TAFA5: variants seen among roughly 807,000 people sequenced by gnomAD.
TAFA5 encodes the protein TAFA chemokine like family member 5, also known as chemokine-like protein TAFA-5.
TAFA5 carries 6 observed loss-of-function variants against 15.3 expected under a neutral mutation model. The ratio of observed to expected loss-of-function variants is 0.39; its 90% CI spans 0.21 to 0.77. TAFA5 has a LOEUF of 0.77. Ranked by LOEUF, TAFA5 falls within the 30% of genes least tolerant of loss-of-function variation. The pLI is 0.41. For synonymous variants in TAFA5, 103 were observed against 80.7 expected, an observed-to-expected ratio of 1.28 and a Z score of -1.48; for missense variants, 161 against 193.1, an observed-to-expected ratio of 0.83 and a Z score of 0.98.
chr22:48,676,814 A>G (rs1235646421), intron 2 of TAFA5, among the ~76,000 whole-genome samples: 1 of 152,218 alleles, frequency 6.6e-6, no homozygotes, highest in Non-Finnish European at 1.5e-5. Context: ...TGAGGAGGTC[A>G]ACTGATTTCT....
At chr22:48,539,507 A>C (rs1293661085) in intron 1 of TAFA5, 3 of 470,124 alleles carry the variant, frequency 6.4e-6, no homozygotes, top group Middle Eastern at 3.3e-4. Context: ...AGTTACATTT[A>C]GACGGGTGCA....
At chr22:48,686,865 G>A (rs1928372093) in intron 2 of TAFA5, among the ~76,000 whole-genome samples, 1 of 150,782 alleles carries the variant, frequency 6.6e-6, no homozygotes, top group African/African-American at 2.4e-5. Flanking sequence ...ATGGATGGAT[G>A]GATAGATGGA....
chr22:48,678,813 T>A (rs972343432), intron 2 of TAFA5, among the ~76,000 whole-genome samples: 13 of 150,470 alleles, frequency 8.6e-5, no homozygotes, highest in Non-Finnish European at 1.8e-4. Context: ...GACCTCAGGG[T>A]GTAAGGACAG....
chr22:48,563,107 T>TAA (rs1923293388), intron 1 of TAFA5, among the ~76,000 whole-genome samples: 1 of 152,180 alleles, frequency 6.6e-6, no homozygotes, highest in African/African-American at 2.4e-5. Flanking sequence ...CTCTGACATT[T>TAA]AGCAAACAGT....
intron 1 of TAFA5, among the ~76,000 whole-genome samples, chr22:48,534,346 C>G (rs1158113309): frequency 6.6e-6 from 1 of 151,966 alleles, no homozygotes; most frequent in Admixed American, 6.6e-5. Context: ...AGGGGCCAGG[C>G]AGTTGAAGTA....
At chr22:48,707,905 C>T in intron 3 of TAFA5, 61 bp downstream of exon 3, 1 of 1,564,450 alleles carries the variant, frequency 6.4e-7, no homozygotes, top group South Asian at 1.2e-5. Context: ...GTGCGGGCCT[C>T]CGACGCCACC....
chr22:48,511,616 T>G (rs1921214740), intron 1 of TAFA5, among the ~76,000 whole-genome samples: 1 of 152,196 alleles, frequency 6.6e-6, no homozygotes, highest in African/African-American at 2.4e-5. Context: ...GCGTCTGCTG[T>G]GCAAAGCCGC....
At chr22:48,716,932 T>C (rs377697652) in intron 3 of TAFA5, among the ~76,000 whole-genome samples, 1 of 152,092 alleles carries the variant, frequency 6.6e-6, no homozygotes, top group African/African-American at 2.4e-5. Flanking sequence ...AGGAAAACAA[T>C]AATCAGAAAA....
At chr22:48,562,585 AG>A (rs1020941046) in intron 1 of TAFA5, among the ~76,000 whole-genome samples, 4 of 145,392 alleles carry the variant, frequency 2.8e-5, no homozygotes, top group African/African-American at 7.4e-5. Flanking sequence ...CTAGGGAGGG[AG>A]GGGGGGAATT....
chr22:48,648,567 G>A (rs573834975), intron 2 of TAFA5, among the ~76,000 whole-genome samples: 6 of 152,302 alleles, frequency 3.9e-5, no homozygotes, highest in Admixed American at 6.5e-5. Context: ...TCAGCCAGGC[G>A]CAGTAGCTCA....
intron 1 of TAFA5, among the ~76,000 whole-genome samples, chr22:48,531,574 G>A (rs77938274): frequency 2.6e-5 from 4 of 152,142 alleles, no homozygotes; most frequent in East Asian, 1.9e-4. Flanking sequence ...TGGGGTAGCC[G>A]GCCTGCACCC....
chr22:48,518,999 G>A (rs6008750), intron 1 of TAFA5, among the ~76,000 whole-genome samples: 2,877 of 152,220 alleles, frequency 0.019, 108 homozygotes, highest in African/African-American at 0.065. Context: ...GAGGGCTCAC[G>A]TCTGCAGTGC....
chr22:48,720,113 T>C (rs1297760506), intron 3 of TAFA5, among the ~76,000 whole-genome samples: 2 of 152,198 alleles, frequency 1.3e-5, no homozygotes, highest in Admixed American at 6.5e-5. Context: ...GCTCGCCCGG[T>C]GCAGAAGGGT....
At chr22:48,623,396 C>G (rs5771674) in intron 1 of TAFA5, among the ~76,000 whole-genome samples, 5 of 53,272 alleles carry the variant, frequency 9.4e-5, no homozygotes, top group Non-Finnish European at 1.1e-4. Flanking sequence ...TGGGACGGGA[C>G]GTGTCGCGTG....
intron 1 of TAFA5, among the ~76,000 whole-genome samples, chr22:48,611,347 C>T (rs916240533): frequency 3.3e-5 from 5 of 152,208 alleles, no homozygotes; most frequent in African/African-American, 4.8e-5. Context: ...CGTTGCCTTT[C>T]GTACACCCAG....
chr22:48,661,197 G>A (rs528931155), intron 2 of TAFA5, among the ~76,000 whole-genome samples: 31 of 152,304 alleles, frequency 2.0e-4, no homozygotes, highest in Non-Finnish European at 3.4e-4. Flanking sequence ...CTGGCCCTAC[G>A]GTCAGGGTCT....
intron 1 of TAFA5, among the ~76,000 whole-genome samples, chr22:48,542,639 TGTG>T (rs1245882327): frequency 1.1e-4 from 3 of 27,010 alleles, no homozygotes; most frequent in East Asian, 1.2e-3. Flanking sequence ...GGGTGTGTGA[TGTG>T]TGTGTGTGGT....
intron 1 of TAFA5, among the ~76,000 whole-genome samples, chr22:48,542,095 GA>G (rs1922401076): frequency 7.7e-6 from 1 of 130,012 alleles, no homozygotes. Flanking sequence ...GTGCATGTGT[GA>G]TGTGTGTGTG....
At chr22:48,614,113 T>G in intron 1 of TAFA5, among the ~76,000 whole-genome samples, 1 of 151,974 alleles carries the variant, frequency 6.6e-6, no homozygotes, top group African/African-American at 2.4e-5. Context: ...GCCGGTGTGC[T>G]TGGCTACATC....
Sources: gnomAD v4.1 joint callset for allele counts (sites outside exome capture counted in the v4.1 genomes callset) on GRCh38, gnomAD v4.1.1 for gene constraint, MANE v1.5 for transcripts, NCBI Gene and HGNC (gene_info 2026-07-23, HGNC 2026-07-21) for gene names.